The following TRPM8 variants were observed in gnomAD, a reference collection of about 807,000 sequenced individuals.
TRPM8 encodes the protein transient receptor potential cation channel subfamily M member 8.
TRPM8 carries 110 observed loss-of-function variants against 133.7 expected under a neutral mutation model. The ratio of observed to expected loss-of-function variants is 0.82; its 90% CI spans 0.70 to 0.96. The LOEUF (loss-of-function observed/expected upper bound fraction) is 0.96, where lower values mean the gene tolerates loss of function less well. TRPM8 is among the 40% of genes least tolerant of loss of function. The pLI, the probability that TRPM8 is intolerant of heterozygous loss-of-function variation, is 0.00. For missense variants in TRPM8, 1,291 were observed against 1,379.5 expected (o/e 0.94, Z 1.02); for synonymous variants, 535 against 532.3 (o/e 1.01, Z -0.07).
At chr2:233,923,889 A>G (rs931849133) in intron 1 of TRPM8, among the ~76,000 whole-genome samples, 2 of 152,242 alleles carry the variant, frequency 1.3e-5, no homozygotes, top group Admixed American at 1.3e-4. Context: ...ATCAATGTGA[A>G]AATTTCGGAC....
chr2:233,945,910 A>G lies in TRPM8; in HGVS notation c.754A>G (p.Ile252Val), dbSNP rs754714406. 1 of 1,614,170 alleles carries G rather than the reference A, an allele frequency of 6.2e-7. No homozygotes were observed. The highest frequency in any genetic ancestry group is 8.5e-7 in the Non-Finnish European group (1 of 1,180,000). The change falls in exon 7 of 26, where the codon ATC (isoleucine) becomes GTC (valine). Residue 252 changes from isoleucine to valine, a missense_variant. Physicochemically the swap from Ile to Val is conservative, Grantham distance 29 (BLOSUM62 3). Transcript: ENST00000324695. ...TGACTTCACAAGAGATCCACTGTAT[A>G]TCCTGGACAACAACCACACACATTT... ...MDDFTRDPLY[I>V]LDNNHTHLLL... is the part of the protein sequence containing the mutation.
At chr2:233,980,498 A>G (rs1407370466) in intron 18 of TRPM8, among the ~76,000 whole-genome samples, 1 of 152,134 alleles carries the variant, frequency 6.6e-6, no homozygotes, top group African/African-American at 2.4e-5. Context: ...GGGGTCCTGC[A>G]TGATTTTTCT....
At chr2:233,960,504 CA>C (rs888467496) in intron 11 of TRPM8, among the ~76,000 whole-genome samples, 1 of 152,124 alleles carries the variant, frequency 6.6e-6, no homozygotes, top group Admixed American at 6.5e-5. Flanking sequence ...TCCATTTTAG[CA>C]AGGGGCCAAG....
intron 22 of TRPM8, among the ~76,000 whole-genome samples, chr2:233,998,585 T>G (rs1194491224): frequency 6.6e-6 from 1 of 151,960 alleles, no homozygotes; most frequent in East Asian, 1.9e-4. Context: ...GCCCATCCAG[T>G]TAGGGTGCCA....
chr2:233,961,213 A>AAG (rs1691429466), intron 12 of TRPM8, 147 bp downstream of exon 12: 2 of 770,164 alleles, frequency 2.6e-6, no homozygotes. Flanking sequence ...CCCTTTATTT[A>AAG]AGATAAGGTG....
At chr2:233,933,450 G>T (rs937423272) in intron 3 of TRPM8, among the ~76,000 whole-genome samples, 1 of 152,210 alleles carries the variant, frequency 6.6e-6, no homozygotes, top group African/African-American at 2.4e-5. Flanking sequence ...GTCCAAGGGG[G>T]TAGAACTAGG....
At chr2:233,976,549 G>C (rs879480134) in intron 17 of TRPM8, among the ~76,000 whole-genome samples, 1 of 152,158 alleles carries the variant, frequency 6.6e-6, no homozygotes, top group Non-Finnish European at 1.5e-5. Context: ...GCGGGAGGAA[G>C]GGTGGGGGTC....
intron 21 of TRPM8, among the ~76,000 whole-genome samples, chr2:233,994,210 G>T (rs931999491): frequency 6.6e-6 from 1 of 152,194 alleles, no homozygotes. Flanking sequence ...GTGTCTCGTT[G>T]CAGCCGCAGA....
chr2:233,945,355 T>G (rs1691015180), intron 6 of TRPM8, among the ~76,000 whole-genome samples: 1 of 152,172 alleles, frequency 6.6e-6, no homozygotes, highest in Admixed American at 6.5e-5. Context: ...TATGCGCTTC[T>G]CAAGTGCAAA....
chr2:234,017,361 C>A lies in TRPM8; in HGVS notation c.*105C>A, dbSNP rs1056064654. On this transcript the variant is annotated 3_prime_UTR_variant, in exon 26 of 26. Transcript: ENST00000324695. ...GACTACTAAATGAGAGATTTTCAGA[C>A]CCCTGGGTACATGGTGGATGATTTT... 6.4e-6 allele frequency: 3 copies of A among 471,192 alleles called. No individual in the cohort carries two copies. The highest frequency in any genetic ancestry group is 1.3e-5 in the Non-Finnish European group (3 of 227,114). 29.2% of individuals were successfully genotyped at this position (471,192 alleles called of 1,614,324 possible). A position where few individuals can be genotyped will look rare whatever the true frequency, so the allele number is the denominator to read the frequency against.
At chr2:233,951,370 A>T (rs1397687331) in intron 9 of TRPM8, among the ~76,000 whole-genome samples, 1 of 152,186 alleles carries the variant, frequency 6.6e-6, no homozygotes, top group Non-Finnish European at 1.5e-5. Flanking sequence ...GATGGAATAA[A>T]TTCAGTGGTC....
At position 233,953,983 on chromosome 2, in the gene TRPM8, A is replaced by AT. The variant is rs769836948; in HGVS notation, c.1209dup (p.Val404CysfsTer17). The AT allele has an allele frequency of 1.2e-6, 2 of 1,614,016 alleles. No individual in the cohort carries two copies. The highest frequency in any genetic ancestry group is 3.3e-5 in the Admixed American group (2 of 60,018). ...TAAAATGGAAGAAGCTGGGGATGAA[A>AT]TTGTGAGCAATGCCATCTCCTACGC... On this transcript the variant is annotated frameshift_variant, in exon 10 of 26. Coordinates refer to ENST00000324695, the MANE Select transcript of TRPM8 (RefSeq NM_024080.5). LOFTEE classifies it high-confidence loss of function.
At chr2:234,008,733 G>C (rs11563204) in intron 24 of TRPM8, among the ~76,000 whole-genome samples, 2 of 152,076 alleles carry the variant, frequency 1.3e-5, no homozygotes, top group Non-Finnish European at 2.9e-5. Context: ...GTGGCTGTTC[G>C]GTGGGTAGAC....
chr2:233,923,158 C>T (rs573382870), intron 1 of TRPM8, among the ~76,000 whole-genome samples: 11 of 152,276 alleles, frequency 7.2e-5, no homozygotes, highest in East Asian at 3.9e-4. Context: ...TGTGAGCCAC[C>T]GTGCCCGGCC....
intron 14 of TRPM8, 72 bp downstream of exon 14, chr2:233,964,829 CAT>C (rs1296522060): frequency 6.8e-7 from 1 of 1,473,012 alleles, no homozygotes; most frequent in Admixed American, 1.8e-5. Flanking sequence ...CAGCGGCACT[CAT>C]AGACCAGATG....
intron 12 of TRPM8, 90 bp downstream of exon 12, chr2:233,961,156 A>G: frequency 3.1e-6 from 4 of 1,307,360 alleles, no homozygotes; most frequent in Non-Finnish European, 4.2e-6. Context: ...TCCCTATCTT[A>G]TTGCCATAAA....
At chr2:233,957,841 GT>G (rs1177724073) in intron 11 of TRPM8, among the ~76,000 whole-genome samples, 1 of 152,164 alleles carries the variant, frequency 6.6e-6, no homozygotes. Flanking sequence ...TAGGACTTCT[GT>G]TTTCTTTGAG....
intron 2 of TRPM8, among the ~76,000 whole-genome samples, chr2:233,928,221 G>A (rs534931665): frequency 3.3e-5 from 5 of 151,928 alleles, no homozygotes; most frequent in African/African-American, 4.8e-5. Context: ...CGCCCACCTC[G>A]GCCTCCCAAA....
At position 233,989,910 on chromosome 2, in the gene TRPM8, A is replaced by G. The variant is rs1692233026; in HGVS notation, c.2939+4045A>G. 1.3e-5 allele frequency among the ~76,000 whole-genome samples: 2 copies of G among 152,220 alleles called. No homozygotes were observed. Among genetic ancestry groups the G allele is most frequent in the African/African-American group, 4.8e-5 (2 of 41,460 alleles). ...CATTTATAAGCATTGTGCCCTGAAG[A>G]TAAGTTCACCCCAGGCAGTTCTGAA... is the stretch of plus-strand genomic sequence containing the variant. On this transcript the variant is annotated intron_variant, in intron 21 of 25. Transcript: ENST00000324695. The surrounding 1 kb of genome is among the most constrained non-coding windows in gnomAD (Gnocchi z 4.2).
Sources: allele counts gnomAD v4.1 joint callset (sites outside exome capture counted in the v4.1 genomes callset), GRCh38; gene constraint gnomAD v4.1.1; non-coding constraint Gnocchi (gnomAD v3.1); transcripts MANE v1.5; gene names NCBI Gene and HGNC (gene_info 2026-07-23, HGNC 2026-07-21).